ZNF257: variants seen among roughly 807,000 people sequenced by gnomAD.
ZNF257 encodes the protein zinc finger protein 257.
ZNF257 carries 12 observed loss-of-function variants against 11.9 expected under a neutral mutation model. That is an observed-to-expected ratio of 1.01 (90% CI 0.65 to 1.63). The LOEUF (loss-of-function observed/expected upper bound fraction) is 1.63, where lower values mean the gene tolerates loss of function less well. Among genes scored for constraint, ZNF257 ranks in the 40% most tolerant of loss-of-function variants. The pLI, the probability that ZNF257 is intolerant of heterozygous loss-of-function variation, is 0.00. For synonymous variants in ZNF257, 183 were observed against 222.7 expected (o/e 0.82, Z 1.59); for missense variants, 580 against 665.5 (o/e 0.87, Z 1.41).
Position 22,052,547 on chromosome 19 carries a change from C to A in ZNF257, c.-86C>A. ...CTTCCCTGGTCTGTGTCCTCTTCTC[C>A]TAGGGGCCCAGCCTCTGTGGCCCTG... On this transcript the variant is annotated 5_prime_UTR_variant, in exon 1 of 4. Coordinates refer to ENST00000594947, the MANE Select transcript of ZNF257 (RefSeq NM_033468.4). 6.5e-7 allele frequency: 1 copy of A among 1,529,156 alleles called. No homozygotes were observed. The highest frequency in any genetic ancestry group is 9.0e-7 in the Non-Finnish European group (1 of 1,113,034). The allele number at this position is 1,529,156 out of a possible 1,614,324, so 94.7% of individuals were successfully genotyped here. A position where few individuals can be genotyped will look rare whatever the true frequency, so the allele number is the denominator to read the frequency against.
chr19:22,089,210 A>C lies in ZNF257; in HGVS notation c.1460A>C (p.Tyr487Ser), dbSNP rs1334973003. ...ATAATTCATACTGGGGAGAAGCCCT[A>C]CAAATGTGAAGAATGTGGCAAAGCC... is the stretch of plus-strand genomic sequence containing the variant. ...HKIIHTGEKPYKCEECGKAFN... is the reference protein window; with the variant it reads ...HKIIHTGEKPSKCEECGKAFN... Residue 487 changes from tyrosine to serine, a missense_variant, in exon 4 of 4, where the codon TAC (tyrosine) becomes TCC (serine). Transcript: ENST00000594947. 5.0e-6 allele frequency: 8 copies of C among 1,613,680 alleles called. No homozygotes were observed. Among genetic ancestry groups the C allele is most frequent in the Non-Finnish European group, 6.8e-6 (8 of 1,179,874 alleles).
chr19:22,062,513 C>T (rs1165869881), intron 1 of ZNF257, among the ~76,000 whole-genome samples: 3 of 147,612 alleles, frequency 2.0e-5, no homozygotes, highest in African/African-American at 7.5e-5. Context: ...ACAGAGTTTC[C>T]TCCTTGTTGC....
intron 3 of ZNF257, among the ~76,000 whole-genome samples, chr19:22,080,773 TTGA>T (rs2022338607): frequency 6.6e-6 from 1 of 151,856 alleles, no homozygotes; most frequent in Admixed American, 6.6e-5. Context: ...CTTCAATTTG[TTGA>T]TATTTGCTTT....
chr19:22,059,165 T>G (rs2145686232), intron 1 of ZNF257, among the ~76,000 whole-genome samples: 1 of 152,316 alleles, frequency 6.6e-6, no homozygotes, highest in South Asian at 2.1e-4. Context: ...TTTTATTTTT[T>G]GTTCCTGAGT....
At chr19:22,087,799 T>TC (rs2022509196) in intron 3 of ZNF257, among the ~76,000 whole-genome samples, 178 bp from the exon 4 acceptor site, 3 of 152,204 alleles carry the variant, frequency 2.0e-5, no homozygotes, top group African/African-American at 7.2e-5. Context: ...TTTCCAAAAA[T>TC]GTGTTTTGGT....
chr19:22,088,388 C>A lies in ZNF257; in HGVS notation c.638C>A (p.Ser213Tyr). The part of the protein sequence containing the change: ...CEECGKAFNQ[S>Y]SALTRHKMTH... ...GAATGTGGCAAAGCCTTTAACCAGT[C>A]CTCAGCTCTTACTCGACATAAGATG... Residue 213 changes from serine to tyrosine, a missense_variant, in exon 4 of 4, where the codon TCC (serine) becomes TAC (tyrosine). Coordinates refer to ENST00000594947, the MANE Select transcript of ZNF257 (RefSeq NM_033468.4). 1 of 1,613,798 alleles carries A rather than the reference C, an allele frequency of 6.2e-7. No homozygotes were observed.
intron 1 of ZNF257, among the ~76,000 whole-genome samples, chr19:22,056,009 CG>C (rs1259325240): frequency 6.8e-6 from 1 of 146,854 alleles, no homozygotes; most frequent in Non-Finnish European, 1.5e-5. Flanking sequence ...GAGCCGAGAT[CG>C]CACCACTGCA....
chr19:22,079,162 T>C (rs2022302466), intron 3 of ZNF257, among the ~76,000 whole-genome samples: 1 of 152,148 alleles, frequency 6.6e-6, no homozygotes, highest in Admixed American at 6.5e-5. Flanking sequence ...CATGGCAACT[T>C]TGTGGAAGAT....
Position 22,089,511 on chromosome 19 carries a change from A to G in ZNF257, c.*69A>G. The G allele has an allele frequency of 2.0e-6, 3 of 1,531,160 alleles. No individual in the cohort carries two copies. The highest frequency in any genetic ancestry group is 2.4e-5 in the East Asian group (1 of 42,172). The allele number at this position is 1,531,160 out of a possible 1,614,324, so 94.8% of individuals were successfully genotyped here. ...AACTGTTCCTCAATCCTTACTAAAC[A>G]TAAGGGAATTCATAATAGAGAAACC... On this transcript the variant is annotated 3_prime_UTR_variant, in exon 4 of 4. Transcript: ENST00000594947.
chr19:22,088,638 G>C lies in ZNF257; in HGVS notation c.888G>C (p.Trp296Cys). The change falls in exon 4 of 4, where the codon TGG becomes TGC. Residue 296 changes from tryptophan to cysteine, a missense_variant. By Grantham distance (215) the Trp-to-Cys change is radical (BLOSUM62 -2). Transcript: ENST00000594947. ...ATGAATGTTGCAAAGCCTTTAAGTG[G>C]TCCTCAGCTCTTACTACCCTTACTC... ...KYDECCKAFK[W>C]SSALTTLTQH... is the part of the protein sequence containing the mutation. 1 of 1,610,910 alleles carries C rather than the reference G, an allele frequency of 6.2e-7. No homozygotes were observed. The highest frequency in any genetic ancestry group is 8.5e-7 in the Non-Finnish European group (1 of 1,179,548).
At chr19:22,060,212 T>TA (rs1279137218) in intron 1 of ZNF257, among the ~76,000 whole-genome samples, 4 of 152,248 alleles carry the variant, frequency 2.6e-5, no homozygotes, top group African/African-American at 9.6e-5. Context: ...TGTTTTTACT[T>TA]ACATGAGACA....
Position 22,079,550 on chromosome 19 carries a change from C to T in ZNF257, c.226+5986C>T, listed in dbSNP as rs1435857964. On this transcript the variant is annotated intron_variant, in intron 3 of 3. Coordinates refer to ENST00000594947, the MANE Select transcript of ZNF257 (RefSeq NM_033468.4). ...TCTTACATGGTGGAAGACAAGAGGG[C>T]GTTAGCAAAGGAACTCCCCTCTATA... Among the ~76,000 whole-genome samples the T allele has an allele frequency of 2.6e-5, 4 of 152,156 alleles. No individual in the cohort carries two copies. In the East Asian group the frequency reaches 5.8e-4, roughly 22 times the overall value.
Position 22,091,417 on chromosome 19 carries a change from G to A in ZNF257, c.*1975G>A, listed in dbSNP as rs527879100. The stretch of plus-strand genomic sequence containing the variant: ...AGAGGTTGCAGTGAGCCAAGATCAC[G>A]ACATTGCACTCCAGCCTAGGCAACA... On this transcript the variant is annotated 3_prime_UTR_variant, in exon 4 of 4. Coordinates refer to ENST00000594947, the MANE Select transcript of ZNF257 (RefSeq NM_033468.4). 8.3e-4 allele frequency: 106 copies of A among 127,986 alleles called. No individual in the cohort carries two copies. Among genetic ancestry groups the A allele is most frequent in the African/African-American group, 3.1e-3 (104 of 33,218 alleles). 7.9% of individuals were successfully genotyped at this position (127,986 alleles called of 1,614,324 possible).
rs1277525276 is a variant in ZNF257 at position 22,089,538 on chromosome 19, T to G, written c.*96T>G. 1.3e-6 allele frequency: 2 copies of G among 1,498,850 alleles called. No homozygotes were observed. The highest frequency in any genetic ancestry group is 1.8e-6 in the Non-Finnish European group (2 of 1,129,104). 92.8% of individuals were successfully genotyped at this position (1,498,850 alleles called of 1,614,324 possible). Reference sequence around the variant, plus strand: ...AAGGGAATTCATAATAGAGAAACCCTACAAATGTGAAGAACGTGGCCTGGC... The same window carrying G: ...AAGGGAATTCATAATAGAGAAACCCGACAAATGTGAAGAACGTGGCCTGGC... On this transcript the variant is annotated 3_prime_UTR_variant, in exon 4 of 4. Coordinates refer to ENST00000594947, the MANE Select transcript of ZNF257 (RefSeq NM_033468.4).
chr19:22,061,879 G>A (rs538841645), intron 1 of ZNF257, among the ~76,000 whole-genome samples: 1 of 144,518 alleles, frequency 6.9e-6, no homozygotes, highest in South Asian at 2.2e-4. Context: ...TTTTTTTTTT[G>A]TTGCATCTAT....
chr19:22,078,015 G>A (rs866653731), intron 3 of ZNF257, among the ~76,000 whole-genome samples: 1 of 151,338 alleles, frequency 6.6e-6, no homozygotes, highest in Non-Finnish European at 1.5e-5. Context: ...CAAGGTGGGC[G>A]GATCACAAGG....
chr19:22,088,609 TATG>T lies in ZNF257; in HGVS notation c.864_866del (p.Asp288del), dbSNP rs1209283425. The T allele has an allele frequency of 1.2e-6, 2 of 1,612,654 alleles. No homozygotes were observed. Among genetic ancestry groups the T allele is most frequent in the Non-Finnish European group, 1.7e-6 (2 of 1,179,770 alleles). On this transcript the variant is annotated inframe_deletion, in exon 4 of 4. Transcript: ENST00000594947. ...TCATAATAGAGAGAAGCCCTTCAAA[TATG>T]ATGAATGTTGCAAAGCCTTTAAGTG...
chr19:22,085,826 T>C (rs2022465164), intron 3 of ZNF257, among the ~76,000 whole-genome samples: 1 of 152,026 alleles, frequency 6.6e-6, no homozygotes. Context: ...ATAATATGAG[T>C]TTTTGACTTA....
chr19:22,065,029 G>T (rs557569143), intron 1 of ZNF257, among the ~76,000 whole-genome samples: 48 of 149,768 alleles, frequency 3.2e-4, no homozygotes, highest in Non-Finnish European at 6.8e-4. Flanking sequence ...ACTCCAGCCT[G>T]GGCGAAAGAA....
Sources: allele counts gnomAD v4.1 joint callset (sites outside exome capture counted in the v4.1 genomes callset), GRCh38; gene constraint gnomAD v4.1.1; transcripts MANE v1.5; gene names NCBI Gene and HGNC (gene_info 2026-07-23, HGNC 2026-07-21).